Variants in HUWE1 observed in about 807,000 individuals in gnomAD.
HUWE1 encodes HECT, UBA and WWE domain containing E3 ubiquitin protein ligase 1.
HUWE1 carries 18 observed loss-of-function variants against 299.4 expected under a neutral mutation model. The observed-to-expected ratio is 0.06, with a 90% confidence interval of 0.04 to 0.09. The LOEUF (loss-of-function observed/expected upper bound fraction) is 0.09, where lower values mean the gene tolerates loss of function less well. Ranked by LOEUF, HUWE1 falls within the 10% of genes least tolerant of loss-of-function variation. The pLI, the probability that HUWE1 is intolerant of heterozygous loss-of-function variation, is 1.00. For synonymous variants in HUWE1, 1,317 were observed against 1,286.1 expected, an observed-to-expected ratio of 1.02 and a Z score of -0.51; for missense variants, 1,832 against 3,462.3, an observed-to-expected ratio of 0.53 and a Z score of 11.82.
intron 55 of HUWE1, 73 bp from the exon 56 acceptor site, chrX:53,560,489 T>A: frequency 1.1e-6 from 1 of 933,178 alleles, no homozygotes; most frequent in Non-Finnish European, 1.5e-6. Flanking sequence ...CAGAATCATG[T>A]CTCCTGGGCC....
At chrX:53,545,605 G>A (rs1237324605) in intron 70 of HUWE1, among the ~76,000 whole-genome samples, 3 of 111,886 alleles carry the variant, frequency 2.7e-5, no homozygotes, top group Non-Finnish European at 5.6e-5. Flanking sequence ...TAATTATATG[G>A]TAGAGTGCCT....
rs1013399960 is a variant in HUWE1, at chrX:53,551,802, C to T, written c.8882-322G>A. On this transcript the variant is annotated intron_variant, in intron 63 of 83. Coordinates refer to ENST00000262854, the MANE Select transcript of HUWE1 (RefSeq NM_031407.7). ...TTTCAGGATTACAGGCACGAGCCACCGCGCCCAGCCTCTCACACCTCTATT... is the reference window on the plus strand; with the variant it reads ...TTTCAGGATTACAGGCACGAGCCACTGCGCCCAGCCTCTCACACCTCTATT... Among the ~76,000 whole-genome samples the T allele has an allele frequency of 6.3e-5, 7 of 111,594 alleles. No individual in the cohort carries two copies. In the South Asian group the frequency reaches 1.1e-3, roughly 18 times the overall value.
chrX:53,646,103 A>T (rs1035070892), intron 6 of HUWE1, among the ~76,000 whole-genome samples: 2 of 111,116 alleles, frequency 1.8e-5, no homozygotes, highest in African/African-American at 6.5e-5. Flanking sequence ...TATATAACAT[A>T]TAAGTGTTAC....
At chrX:53,685,089 G>A (rs1603282690) in intron 2 of HUWE1, among the ~76,000 whole-genome samples, 2 of 111,935 alleles carry the variant, frequency 1.8e-5, no homozygotes, top group African/African-American at 6.5e-5. Context: ...TTGATTTGTG[G>A]GCTTTTCCAT....
At chrX:53,660,246 A>T (rs2068932104) in intron 3 of HUWE1, among the ~76,000 whole-genome samples, 1 of 112,054 alleles carries the variant, frequency 8.9e-6, no homozygotes, top group Non-Finnish European at 1.9e-5. Flanking sequence ...AAGACTCTGG[A>T]TGCCTAGAAA....
chrX:53,683,975 G>C, intron 2 of HUWE1: 1 of 294,703 alleles, frequency 3.4e-6, no homozygotes, highest in South Asian at 2.0e-4. Context: ...CCGCCTCCGC[G>C]GCTACTGCAG....
intron 4 of HUWE1, among the ~76,000 whole-genome samples, chrX:53,652,168 G>A (rs1055366895): frequency 1.8e-5 from 2 of 111,900 alleles, no homozygotes; most frequent in Non-Finnish European, 3.8e-5. Context: ...GATGGCTATT[G>A]TCATGTCTTT....
At chrX:53,602,843 CTTTTT>C (rs1209240887) in intron 27 of HUWE1, among the ~76,000 whole-genome samples, 185 bp from the exon 28 acceptor site, 1 of 102,782 alleles carries the variant, frequency 9.7e-6, no homozygotes, top group Non-Finnish European at 2.0e-5. Context: ...CTTTCCAATT[CTTTTT>C]TTTTTCTTTT....
intron 37 of HUWE1, among the ~76,000 whole-genome samples, chrX:53,587,228 C>T (rs1476843534): frequency 8.9e-6 from 1 of 111,935 alleles, no homozygotes; most frequent in Non-Finnish European, 1.9e-5. Flanking sequence ...GGTTTATCAC[C>T]AAGGTTGTGC....
intron 2 of HUWE1, chrX:53,680,770 ATTGAAATTGAGGTT>A (rs2070091251): frequency 8.9e-6 from 1 of 112,493 alleles, no homozygotes; most frequent in African/African-American, 3.2e-5. Context: ...TAAGGGTCAA[ATTGAAATTGAGGTT>A]TAATAAATTT....
intron 3 of HUWE1, among the ~76,000 whole-genome samples, chrX:53,659,526 GA>G (rs1162103833): frequency 8.9e-6 from 1 of 112,086 alleles, no homozygotes; most frequent in Non-Finnish European, 1.9e-5. Context: ...ATCAGTGGTT[GA>G]GGAGGGTTAG....
intron 75 of HUWE1, 84 bp downstream of exon 75, chrX:53,539,573 C>A (rs1471468916): frequency 1.0e-6 from 1 of 995,693 alleles, no homozygotes; most frequent in Admixed American, 2.2e-5. Context: ...GAGGAGTAAC[C>A]TGGAAGGAAG....
At chrX:53,668,040 A>C (rs1042324356) in intron 3 of HUWE1, among the ~76,000 whole-genome samples, 1 of 111,543 alleles carries the variant, frequency 9.0e-6, no homozygotes, top group Non-Finnish European at 1.9e-5. Flanking sequence ...CAAATACAAT[A>C]AAGATGGTAC....
Position 53,586,477 on chromosome X carries a change from C to G in HUWE1, c.4824+13G>C, listed in dbSNP as rs1172071673. 1 of 1,159,845 alleles carries G rather than the reference C, an allele frequency of 8.6e-7. No homozygotes were observed. The highest frequency in any genetic ancestry group is 1.8e-5 in the African/African-American group (1 of 56,187). ...CTAAACCGTCCTGCAGTCATACATACTACATTACACACCTTAGTCATCTGG... is the reference window on the plus strand; with the variant it reads ...CTAAACCGTCCTGCAGTCATACATAGTACATTACACACCTTAGTCATCTGG... On this transcript the variant is annotated intron_variant, in intron 39 of 83. Transcript: ENST00000262854.
At chrX:53,683,413 G>A (rs1268006605) in intron 2 of HUWE1, among the ~76,000 whole-genome samples, 2 of 111,222 alleles carry the variant, frequency 1.8e-5, no homozygotes, top group African/African-American at 3.3e-5. Context: ...CGGAGGTGCT[G>A]AGAACGGAGG....
At chrX:53,590,573 A>C in intron 34 of HUWE1, 74 bp from the exon 35 acceptor site, 3 of 737,205 alleles carry the variant, frequency 4.1e-6, no homozygotes, top group Non-Finnish European at 4.3e-6. Context: ...ACTGCAACTC[A>C]CAGGCAATCA....
rs1378910893 is a variant in HUWE1, at chrX:53,545,014, GT to G, written c.11048+14del. ...CCAGATTCAAGCCCCCAGCCAAAGG[GT>G]GGCTACCACCCACCTGCTCTGCATT... On this transcript the variant is annotated intron_variant, in intron 71 of 83. Coordinates refer to ENST00000262854, the MANE Select transcript of HUWE1 (RefSeq NM_031407.7). 8.3e-7 allele frequency: 1 copy of G among 1,207,530 alleles called. No individual in the cohort carries two copies. The highest frequency in any genetic ancestry group is 1.8e-5 in the African/African-American group (1 of 57,108).
At chrX:53,534,804 C>T (rs904174525) in intron 81 of HUWE1, 107 bp from the exon 82 acceptor site, 7 of 647,052 alleles carry the variant, frequency 1.1e-5, no homozygotes, top group Non-Finnish European at 2.4e-6. Flanking sequence ...GGACTACAGG[C>T]ATGCACCACC....
At chrX:53,588,356 C>T in intron 37 of HUWE1, 26 bp downstream of exon 37, 1 of 1,195,650 alleles carries the variant, frequency 8.4e-7, no homozygotes. Context: ...GAATGAATTA[C>T]AAGGCCCCAA....
Sources: gnomAD v4.1 joint callset for allele counts (sites outside exome capture counted in the v4.1 genomes callset) on GRCh38, gnomAD v4.1.1 for gene constraint, MANE v1.5 for transcripts, NCBI Gene and HGNC (gene_info 2026-07-23, HGNC 2026-07-21) for gene names.